The following PSIP1 variants were observed in gnomAD, a reference collection of about 807,000 sequenced individuals.
PSIP1 encodes the protein PC4 and SRSF1 interacting protein 1.
A neutral mutation model predicts 74.7 loss-of-function variants in PSIP1; 19 were observed. The ratio of observed to expected loss-of-function variants is 0.25; its 90% CI spans 0.18 to 0.37. PSIP1 has a LOEUF of 0.37. PSIP1 is among the 10% of genes least tolerant of loss of function. PSIP1 has a pLI of 1.00. For missense variants in PSIP1, 601 were observed against 614.3 expected, an observed-to-expected ratio of 0.98 and a Z score of 0.23; for synonymous variants, 222 against 195.3, an observed-to-expected ratio of 1.14 and a Z score of -1.14.
In PSIP1 at chr9:15,487,934, G is replaced by A. The variant is rs1202933733; in HGVS notation, c.289-1003C>T. Reference sequence around the variant, plus strand: ...TCACTAATCATTTAATGTGGCCTTGGAGCAGCAATGAAAGATTTATATGTT... The same window carrying A: ...TCACTAATCATTTAATGTGGCCTTGAAGCAGCAATGAAAGATTTATATGTT... On this transcript the variant is annotated intron_variant, in intron 4 of 15. Coordinates refer to ENST00000380733, the MANE Select transcript of PSIP1 (RefSeq NM_033222.5). 5.3e-5 allele frequency among the ~76,000 whole-genome samples: 8 copies of A among 152,260 alleles called. No individual in the cohort carries two copies. In the East Asian group the frequency reaches 1.5e-3, roughly 29 times the overall value.
At chr9:15,476,908 G>C (rs1378184763) in intron 8 of PSIP1, among the ~76,000 whole-genome samples, 1 of 152,174 alleles carries the variant, frequency 6.6e-6, no homozygotes, top group Non-Finnish European at 1.5e-5. Flanking sequence ...CAGCTGATGA[G>C]GAGGGCAGTA....
At chr9:15,477,485 A>G (rs1438539058) in intron 8 of PSIP1, among the ~76,000 whole-genome samples, 1 of 152,220 alleles carries the variant, frequency 6.6e-6, no homozygotes. Context: ...ATTCTCTAAT[A>G]GTGTTCTACA....
chr9:15,484,658 T>C (rs2036480552), intron 6 of PSIP1, among the ~76,000 whole-genome samples: 1 of 151,640 alleles, frequency 6.6e-6, no homozygotes, highest in African/African-American at 2.4e-5. Context: ...ACCTGGGAGG[T>C]GAAGGTTGCA....
At chr9:15,474,934 A>C (rs549494676) in intron 8 of PSIP1, among the ~76,000 whole-genome samples, 2 of 152,328 alleles carry the variant, frequency 1.3e-5, no homozygotes, top group African/African-American at 4.8e-5. Context: ...TTTCATTGAG[A>C]TTTTCGCAAA....
At chr9:15,477,391 T>C (rs112853380) in intron 8 of PSIP1, among the ~76,000 whole-genome samples, 27 of 152,276 alleles carry the variant, frequency 1.8e-4, no homozygotes, top group African/African-American at 6.5e-4. Context: ...AAGTATATGA[T>C]ATATTGTTAT....
intron 14 of PSIP1, 67 bp downstream of exon 14, chr9:15,468,563 T>A (rs1016430976): frequency 9.8e-6 from 15 of 1,529,686 alleles, no homozygotes; most frequent in Non-Finnish European, 1.4e-5. Flanking sequence ...ATGAAAGCCA[T>A]TTTTAAAAGC....
In PSIP1 at chr9:15,465,399, C is replaced by G. The variant is rs2035549034; in HGVS notation, c.*121G>C. ...ACTTTAAAACAAAGGGATTTTCTCC[C>G]TCAAAACAAGTTTTCAACATCAAAC... is the stretch of plus-strand genomic sequence containing the variant. On this transcript the variant is annotated 3_prime_UTR_variant, in exon 16 of 16. Transcript: ENST00000380733. 1.2e-6 allele frequency: 1 copy of G among 865,604 alleles called. No individual in the cohort carries two copies. The allele number at this position is 865,604 out of a possible 1,614,324, so 53.6% of individuals were successfully genotyped here. A position where few individuals can be genotyped will look rare whatever the true frequency, so the allele number is the denominator to read the frequency against.
chr9:15,474,329 A>C lies in PSIP1; in HGVS notation c.630-92T>G, dbSNP rs1415750934. On this transcript the variant is annotated intron_variant, in intron 8 of 15. Coordinates refer to ENST00000380733, the MANE Select transcript of PSIP1 (RefSeq NM_033222.5). ...GCTATAATTTTTAATTTAAAGGCAA[A>C]TCTAAAACAAAGTAAAAAGAGTGTC... 12 of 1,130,944 alleles carry C rather than the reference A, an allele frequency of 1.1e-5. No homozygotes were observed. In the Admixed American group the frequency reaches 3.0e-4, roughly 28 times the overall value. The allele number at this position is 1,130,944 out of a possible 1,614,324, so 70.1% of individuals were successfully genotyped here.
chr9:15,471,913 A>G (rs977081063), intron 10 of PSIP1: 30 of 982,680 alleles, frequency 3.1e-5, no homozygotes, highest in Non-Finnish European at 3.4e-5. Context: ...TTCACGAGAA[A>G]AGAAAAGCAT....
At chr9:15,489,396 T>A (rs1324763617) in intron 4 of PSIP1, 5 of 151,938 alleles carry the variant, frequency 3.3e-5, no homozygotes, top group African/African-American at 1.2e-4. Flanking sequence ...TCACCTGAAG[T>A]CAGGAGTTTG....
rs751940111 is a variant in PSIP1 at position 15,510,232 on chromosome 9, A to G, written c.-44T>C. 2.5e-5 allele frequency: 39 copies of G among 1,573,774 alleles called. No individual in the cohort carries two copies. Among genetic ancestry groups the G allele is most frequent in the Non-Finnish European group, 3.3e-5 (38 of 1,157,816 alleles). On this transcript the variant is annotated 5_prime_UTR_variant, in exon 2 of 16. Transcript: ENST00000380733. ...GGGGTCCGAAGCCCGGGAGGCGGCG[A>G]GGAGATGCGGCGGCGCGGGGATGCG...
Position 15,466,825 on chromosome 9 carries a change from T to C in PSIP1, c.1455A>G (p.Gln485=). 1 of 1,613,504 alleles carries C rather than the reference T, an allele frequency of 6.2e-7. No homozygotes were observed. Among genetic ancestry groups the C allele is most frequent in the Non-Finnish European group, 8.5e-7 (1 of 1,179,774 alleles). Reference sequence around the variant, plus strand: ...CGTTATGTTGTGGCTGATTACCATCTTGAGCATCAGATCCTCCATTTAGAG... The same window carrying C: ...CGTTATGTTGTGGCTGATTACCATCCTGAGCATCAGATCCTCCATTTAGAG... The part of the protein sequence containing the change: ...SKTLNGGSDA[Q]DGNQPQHNGE... Residue 485 remains glutamine (Q), a synonymous_variant, in exon 15 of 16, where the codon CAA becomes CAG. Coordinates refer to ENST00000380733, the MANE Select transcript of PSIP1 (RefSeq NM_033222.5).
At position 15,486,506 on chromosome 9, in the gene PSIP1, G is replaced by C. The variant is rs1048297860; in HGVS notation, c.393+321C>G. ...ATCAACCTAGGTTTTAAAAAATTTA[G>C]TCTAATGCTGTTTCCAGTACATCCA... On this transcript the variant is annotated intron_variant, in intron 5 of 15. Coordinates refer to ENST00000380733, the MANE Select transcript of PSIP1 (RefSeq NM_033222.5). Among the ~76,000 whole-genome samples the C allele has an allele frequency of 2.6e-5, 4 of 152,196 alleles. No homozygotes were observed. In the South Asian group the frequency reaches 8.3e-4, roughly 32 times the overall value.
At chr9:15,488,826 C>A (rs527376265) in intron 4 of PSIP1, among the ~76,000 whole-genome samples, 1 of 149,284 alleles carries the variant, frequency 6.7e-6, no homozygotes. Flanking sequence ...TCGAGACCAT[C>A]CTGGCTAACA....
chr9:15,489,974 AAT>A lies in PSIP1; in HGVS notation c.288+10_288+11del. 1 of 1,540,796 alleles carries A rather than the reference AAT, an allele frequency of 6.5e-7. No individual in the cohort carries two copies. Among genetic ancestry groups the A allele is most frequent in the Non-Finnish European group, 8.8e-7 (1 of 1,140,128 alleles). On this transcript the variant is annotated intron_variant, in intron 4 of 15. Coordinates refer to ENST00000380733, the MANE Select transcript of PSIP1 (RefSeq NM_033222.5). ...AAATAAGTAATATCAAATTTTATGT[AAT>A]ATGACTTACCTGTTGACTTGAAAAT...
intron 2 of PSIP1, among the ~76,000 whole-genome samples, chr9:15,507,299 T>G (rs1212515324): frequency 1.3e-5 from 2 of 152,154 alleles, no homozygotes; most frequent in African/African-American, 4.8e-5. Context: ...TTACTTTCCC[T>G]CATCAATAAA....
At chr9:15,506,238 T>C in intron 3 of PSIP1, 1 of 187,016 alleles carries the variant, frequency 5.3e-6, no homozygotes. Context: ...CAACTAGTCC[T>C]TATAAAAAGC....
chr9:15,486,870 A>T lies in PSIP1; in HGVS notation c.350T>A (p.Val117Asp). The T allele has an allele frequency of 6.2e-7, 1 of 1,612,562 alleles. No individual in the cohort carries two copies. Among genetic ancestry groups the T allele is most frequent in the Non-Finnish European group, 8.5e-7 (1 of 1,179,314 alleles). ...DVEVEEKETS[V>D]SKEDTDHEEK... Reference sequence around the variant, plus strand: ...TTCATGGTCGGTATCTTCCTTTGAAACACTAGTTTCCTTTTCTTCAACTTC... The same window carrying T: ...TTCATGGTCGGTATCTTCCTTTGAATCACTAGTTTCCTTTTCTTCAACTTC... The change falls in exon 5 of 16, where the codon GTT becomes GAT. Residue 117 changes from valine to aspartate, a missense_variant. By Grantham distance (152) the Val-to-Asp change is radical. This residue lies in a region of PSIP1 where 538 missense variants were observed against 507.6 expected (regional missense o/e 1.06). Coordinates refer to ENST00000380733, the MANE Select transcript of PSIP1 (RefSeq NM_033222.5).
intron 14 of PSIP1, among the ~76,000 whole-genome samples, chr9:15,467,350 T>G (rs866190303): frequency 1.6e-4 from 25 of 152,218 alleles, no homozygotes; most frequent in African/African-American, 6.0e-4. Flanking sequence ...AATAATTCTC[T>G]AAGGGGACCC....
Sources: allele counts gnomAD v4.1 joint callset (sites outside exome capture counted in the v4.1 genomes callset), GRCh38; gene constraint gnomAD v4.1.1; regional missense constraint gnomAD v4.1.1; transcripts MANE v1.5; gene names NCBI Gene and HGNC (gene_info 2026-07-23, HGNC 2026-07-21).